NIBAN1: variants seen among roughly 807,000 people sequenced by gnomAD.
The protein encoded by NIBAN1 is niban apoptosis regulator 1.
A neutral mutation model predicts 75.1 loss-of-function variants in NIBAN1; 81 were observed. That is an observed-to-expected ratio of 1.08 (90% confidence interval 0.90 to 1.30). The LOEUF is 1.30. Among genes scored for constraint, NIBAN1 ranks in the 50% most tolerant of loss-of-function variants. NIBAN1 has a pLI of 0.00. For synonymous variants in NIBAN1, 436 were observed against 424.8 expected, an observed-to-expected ratio of 1.03 and a Z score of -0.32; for missense variants, 1,133 against 1,128.1, an observed-to-expected ratio of 1.00 and a Z score of -0.06.
intron 1 of NIBAN1, among the ~76,000 whole-genome samples, chr1:184,906,726 G>A (rs1173131361): frequency 6.6e-6 from 1 of 152,028 alleles, no homozygotes; most frequent in African/African-American, 2.4e-5. Flanking sequence ...ATTATTTGTG[G>A]GAAATAATTT....
At chr1:184,974,156 C>A (rs1229803207) in intron 1 of NIBAN1, 146 bp downstream of exon 1, 2 of 864,472 alleles carry the variant, frequency 2.3e-6, no homozygotes, top group African/African-American at 3.6e-5. Context: ...GGCAGGAAAC[C>A]CGACTCGCGC....
intron 8 of NIBAN1, among the ~76,000 whole-genome samples, chr1:184,822,015 G>A (rs574726795): frequency 7.9e-5 from 12 of 152,288 alleles, no homozygotes; most frequent in East Asian, 3.9e-4. Flanking sequence ...CGACAGCCCC[G>A]AGACTCTAAG....
At chr1:184,823,602 T>C in intron 7 of NIBAN1, 36 bp downstream of exon 7, 1 of 1,599,654 alleles carries the variant, frequency 6.3e-7, no homozygotes, top group South Asian at 1.1e-5. Flanking sequence ...GTTCCCATTT[T>C]GAGTAGCTCA....
intron 6 of NIBAN1, among the ~76,000 whole-genome samples, chr1:184,826,473 C>G (rs1159704226): frequency 2.1e-4 from 32 of 152,118 alleles, no homozygotes; most frequent in Admixed American, 2.0e-3. Flanking sequence ...ACCAGCCCAC[C>G]CTGCTCAATG....
At chr1:184,964,109 G>C (rs1385889874) in intron 1 of NIBAN1, among the ~76,000 whole-genome samples, 1 of 151,492 alleles carries the variant, frequency 6.6e-6, no homozygotes, top group Non-Finnish European at 1.5e-5. Context: ...TCCAGTCAAT[G>C]AGTTCAGTTC....
chr1:184,796,155 C>T lies in NIBAN1; in HGVS notation c.1667-58G>A. ...CTGATTTTATTGAGAAGCCAAAGTC[C>T]CCTTTCAGCCTCTCTGGCTATCCAA... On this transcript the variant is annotated intron_variant, in intron 13 of 13. Coordinates refer to ENST00000367511, the MANE Select transcript of NIBAN1 (RefSeq NM_052966.4). 2.0e-6 allele frequency: 3 copies of T among 1,473,564 alleles called. No homozygotes were observed. The South Asian group carries it at 4.3e-5, about 21-fold the overall frequency. 91.3% of individuals were successfully genotyped at this position (1,473,564 alleles called of 1,614,324 possible). A position where few individuals can be genotyped will look rare whatever the true frequency, so the allele number is the denominator to read the frequency against.
intron 1 of NIBAN1, among the ~76,000 whole-genome samples, chr1:184,972,527 T>C (rs1658965392): frequency 6.6e-6 from 1 of 152,176 alleles, no homozygotes. Context: ...TATTCTAACT[T>C]TAACTCTTCT....
chr1:184,828,688 G>A (rs1020529464), intron 6 of NIBAN1, among the ~76,000 whole-genome samples: 1 of 152,190 alleles, frequency 6.6e-6, no homozygotes, highest in Non-Finnish European at 1.5e-5. Context: ...CAACTGCTCT[G>A]AATGTTCTTT....
intron 1 of NIBAN1, among the ~76,000 whole-genome samples, chr1:184,900,385 A>G (rs1046815814): frequency 6.6e-6 from 1 of 152,224 alleles, no homozygotes; most frequent in African/African-American, 2.4e-5. Flanking sequence ...TCAAGGCTCC[A>G]GAATCCTAAC....
intron 1 of NIBAN1, among the ~76,000 whole-genome samples, chr1:184,900,277 G>A (rs2101989954): frequency 6.6e-6 from 1 of 152,236 alleles, no homozygotes; most frequent in East Asian, 1.9e-4. Flanking sequence ...ACGAGACAGA[G>A]GGGGAAACTT....
chr1:184,863,933 A>T (rs983451358), intron 5 of NIBAN1, among the ~76,000 whole-genome samples: 2 of 152,238 alleles, frequency 1.3e-5, no homozygotes, highest in African/African-American at 4.8e-5. Flanking sequence ...TGTCATAGGG[A>T]TCGAAAGAGC....
chr1:184,808,200 G>A lies in NIBAN1; in HGVS notation c.1209C>T (p.Ser403=), dbSNP rs149201304. The change falls in exon 10 of 14, where the codon TCC becomes TCT. Residue 403 remains serine, a synonymous_variant. Coordinates refer to ENST00000367511, the MANE Select transcript of NIBAN1 (RefSeq NM_052966.4). The part of the protein sequence containing the change: ...LDRLMNLPLH[S]VKMEPCYTKV... ...TAGTATAACAAGGTTCCATCTTCACGGAATGCAGCGGAAGATTCATAAGCC... is the reference window on the plus strand; with the variant it reads ...TAGTATAACAAGGTTCCATCTTCACAGAATGCAGCGGAAGATTCATAAGCC... 166 of 1,613,962 alleles carry A rather than the reference G, an allele frequency of 1.0e-4. No homozygotes were observed. The highest frequency in any genetic ancestry group is 6.7e-5 in the African/African-American group (5 of 74,908).
intron 9 of NIBAN1, among the ~76,000 whole-genome samples, chr1:184,812,174 C>G (rs1654400898): frequency 6.6e-6 from 1 of 152,084 alleles, no homozygotes; most frequent in African/African-American, 2.4e-5. Flanking sequence ...CCTATCTTTT[C>G]TGTTACTCAG....
intron 1 of NIBAN1, among the ~76,000 whole-genome samples, chr1:184,907,050 T>C (rs1657124364): frequency 6.6e-6 from 1 of 152,212 alleles, no homozygotes; most frequent in Non-Finnish European, 1.5e-5. Context: ...CCTATTTCAA[T>C]TACTTTTAGA....
At chr1:184,805,921 C>T in intron 11 of NIBAN1, 25 bp downstream of exon 11, 2 of 1,570,950 alleles carry the variant, frequency 1.3e-6, no homozygotes, top group Non-Finnish European at 1.8e-6. Flanking sequence ...TTTTATGCTT[C>T]CCACAAACAA....
intron 9 of NIBAN1, among the ~76,000 whole-genome samples, chr1:184,815,320 C>T (rs942606831): frequency 2.0e-5 from 3 of 152,182 alleles, no homozygotes; most frequent in Non-Finnish European, 2.9e-5. Flanking sequence ...CTTCTGAAAA[C>T]ATCAGAGAAA....
At position 184,861,768 on chromosome 1, in the gene NIBAN1, G is replaced by A. The variant is rs536983287; in HGVS notation, c.601+22865C>T. 4.0e-5 allele frequency among the ~76,000 whole-genome samples: 6 copies of A among 150,850 alleles called. No homozygotes were observed. In the East Asian group the frequency reaches 9.8e-4, roughly 25 times the overall value. On this transcript the variant is annotated intron_variant, in intron 5 of 13. Coordinates refer to ENST00000367511, the MANE Select transcript of NIBAN1 (RefSeq NM_052966.4). The stretch of plus-strand genomic sequence containing the variant: ...GGAAGGGAGGAAAGAAGAAAGGAGG[G>A]AGGGAGGAAAGAAGGAAAGAAGAAG...
intron 1 of NIBAN1, among the ~76,000 whole-genome samples, chr1:184,907,933 A>G (rs745472861): frequency 2.6e-5 from 4 of 152,210 alleles, no homozygotes; most frequent in Non-Finnish European, 5.9e-5. Flanking sequence ...TCTGTGATTT[A>G]CTTTGGATAT....
chr1:184,932,334 A>C (rs1657844802), intron 1 of NIBAN1, among the ~76,000 whole-genome samples: 1 of 152,222 alleles, frequency 6.6e-6, no homozygotes, highest in Non-Finnish European at 1.5e-5. Flanking sequence ...GTTTTCCTGC[A>C]ACTAGACGGT....
Sources: allele counts gnomAD v4.1 joint callset (sites outside exome capture counted in the v4.1 genomes callset), GRCh38; gene constraint gnomAD v4.1.1; transcripts MANE v1.5; gene names NCBI Gene and HGNC (gene_info 2026-07-23, HGNC 2026-07-21).